The following WWOX variants were observed in gnomAD, a reference collection of about 807,000 sequenced individuals.
The protein encoded by WWOX is WW domain-containing oxidoreductase.
In WWOX, 69 loss-of-function variants were observed where a neutral mutation model predicts 46.2. The ratio of observed to expected loss-of-function variants is 1.49; its 90% CI spans 1.23 to 1.82. The LOEUF (loss-of-function observed/expected upper bound fraction) is 1.82, where lower values mean the gene tolerates loss of function less well. Among genes scored for constraint, WWOX ranks in the 40% most tolerant of loss-of-function variants. The pLI is 0.00. For missense variants in WWOX, 919 were observed against 542.6 expected, an observed-to-expected ratio of 1.69 and a Z score of -6.89; for synonymous variants, 359 against 202.6, an observed-to-expected ratio of 1.77 and a Z score of -6.56.
At chr16:78,537,726 G>T (rs1202582875) in intron 8 of WWOX, among the ~76,000 whole-genome samples, 1 of 152,150 alleles carries the variant, frequency 6.6e-6, no homozygotes, top group Non-Finnish European at 1.5e-5. Context: ...GGGTAGACCA[G>T]TGCTTCCTTT....
intron 5 of WWOX, among the ~76,000 whole-genome samples, chr16:78,174,521 T>C (rs1030080533): frequency 6.6e-6 from 1 of 152,182 alleles, no homozygotes; most frequent in Non-Finnish European, 1.5e-5. Flanking sequence ...CCCTCCAAAA[T>C]TCATGTTCTT....
intron 8 of WWOX, among the ~76,000 whole-genome samples, chr16:78,777,377 A>G (rs947650862): frequency 6.6e-6 from 1 of 152,238 alleles, no homozygotes; most frequent in Non-Finnish European, 1.5e-5. Context: ...CGTGACTAGT[A>G]TGACCAGGGG....
At chr16:78,497,935 GCTCACGC>G (rs2084957738) in intron 8 of WWOX, among the ~76,000 whole-genome samples, 1 of 152,052 alleles carries the variant, frequency 6.6e-6, no homozygotes. Flanking sequence ...GGGAGCAGTA[GCTCACGC>G]CTGTAATGAC....
chr16:78,533,484 C>G (rs549777222), intron 8 of WWOX, among the ~76,000 whole-genome samples: 1 of 151,890 alleles, frequency 6.6e-6, no homozygotes, highest in Non-Finnish European at 1.5e-5. Flanking sequence ...GGGCCAGATT[C>G]AAAGTTGTCC....
chr16:78,422,469 G>A (rs73572812), intron 6 of WWOX, among the ~76,000 whole-genome samples: 4 of 149,662 alleles, frequency 2.7e-5, no homozygotes, highest in Non-Finnish European at 5.9e-5. Flanking sequence ...CTCAGCCTCC[G>A]AAGTAGCTGG....
chr16:78,105,365 G>C (rs113349210), intron 1 of WWOX, among the ~76,000 whole-genome samples: 1 of 151,828 alleles, frequency 6.6e-6, no homozygotes, highest in African/African-American at 2.4e-5. Context: ...AGGCTGAGGC[G>C]GGAGAATTGC....
At chr16:78,330,045 C>T (rs1349426899) in intron 5 of WWOX, among the ~76,000 whole-genome samples, 1 of 152,146 alleles carries the variant, frequency 6.6e-6, no homozygotes, top group East Asian at 1.9e-4. Context: ...TGAGTCACTG[C>T]CTGGTGCTTT....
chr16:79,129,921 A>G (rs959440157), intron 8 of WWOX, among the ~76,000 whole-genome samples: 1 of 152,172 alleles, frequency 6.6e-6, no homozygotes, highest in East Asian at 1.9e-4. Flanking sequence ...TGGCTGAGTC[A>G]TCTTTGGTAG....
intron 5 of WWOX, among the ~76,000 whole-genome samples, chr16:78,345,458 C>CAAAAAAAAA (rs71137889): frequency 6.0e-4 from 16 of 26,778 alleles, no homozygotes; most frequent in African/African-American, 1.1e-3. Flanking sequence ...CCATCGCTAC[C>CAAAAAAAAA]AAAAAAAAAA....
At chr16:78,511,950 A>G (rs755685124) in intron 8 of WWOX, among the ~76,000 whole-genome samples, 8 of 152,238 alleles carry the variant, frequency 5.3e-5, no homozygotes, top group Non-Finnish European at 1.2e-4. Flanking sequence ...TTCTGCGTTG[A>G]ATGGGTAAGA....
intron 8 of WWOX, among the ~76,000 whole-genome samples, chr16:78,736,270 G>T (rs1052694729): frequency 3.3e-5 from 5 of 152,200 alleles, no homozygotes; most frequent in Admixed American, 3.3e-4. Context: ...GTACCTTCGT[G>T]TCGGACAGTC....
At chr16:78,554,170 T>A (rs947812300) in intron 8 of WWOX, among the ~76,000 whole-genome samples, 4 of 152,250 alleles carry the variant, frequency 2.6e-5, no homozygotes, top group Middle Eastern at 3.4e-3. Context: ...TGGCCTGCCC[T>A]AAGGCAGTAG....
At chr16:78,744,647 G>A (rs147029715) in intron 8 of WWOX, among the ~76,000 whole-genome samples, 38 of 151,968 alleles carry the variant, frequency 2.5e-4, no homozygotes, top group Non-Finnish European at 4.6e-4. Context: ...GGCCAGGCTA[G>A]TCTTGAATTC....
Position 79,051,065 on chromosome 16 carries a change from A to G in WWOX, c.1057-160543A>G, listed in dbSNP as rs946455951. Among the ~76,000 whole-genome samples the G allele has an allele frequency of 7.2e-5, 11 of 152,334 alleles. 1 individual carries two copies. Among genetic ancestry groups the G allele is most frequent in the East Asian group, 5.8e-4 (3 of 5,180 alleles). Reference sequence around the variant, plus strand: ...GATTATTCCCAAGGAAGCTGTAGCCATTATATTTGCTGCCATCACAACAGT... The same window carrying G: ...GATTATTCCCAAGGAAGCTGTAGCCGTTATATTTGCTGCCATCACAACAGT... On this transcript the variant is annotated intron_variant, in intron 8 of 8. Coordinates refer to ENST00000566780, the MANE Select transcript of WWOX (RefSeq NM_016373.4).
intron 8 of WWOX, among the ~76,000 whole-genome samples, chr16:78,607,285 C>G (rs2045782299): frequency 6.6e-6 from 1 of 151,858 alleles, no homozygotes; most frequent in Non-Finnish European, 1.5e-5. Context: ...AAAATATATA[C>G]AAAATAGTTG....
At chr16:78,234,434 C>T (rs1266688675) in intron 5 of WWOX, among the ~76,000 whole-genome samples, 5 of 152,054 alleles carry the variant, frequency 3.3e-5, no homozygotes, top group Non-Finnish European at 5.9e-5. Flanking sequence ...CCCAGACTTT[C>T]GCCATACCGC....
chr16:79,089,702 G>A (rs1484344906), intron 8 of WWOX, among the ~76,000 whole-genome samples: 1 of 152,152 alleles, frequency 6.6e-6, no homozygotes, highest in Non-Finnish European at 1.5e-5. Context: ...ATGTTTTCCA[G>A]TCGCCTAAGC....
rs560481630 is a variant in WWOX, at chr16:78,758,946, A to C, written c.1056+326194A>C. Among the ~76,000 whole-genome samples, 1,192 of 151,952 alleles carry C rather than the reference A, an allele frequency of 7.8e-3. 23 individuals carry two copies. The highest frequency in any genetic ancestry group is 0.024 in the Middle Eastern group (7 of 294). On this transcript the variant is annotated intron_variant, in intron 8 of 8. Transcript: ENST00000566780. ...AAAAAACCACAAAAGACAAAAAAAA[A>C]AAAAACAAAAAACCTTCACAGACAA... is the stretch of plus-strand genomic sequence containing the variant.
At chr16:78,999,450 G>A (rs1427848866) in intron 8 of WWOX, among the ~76,000 whole-genome samples, 3 of 152,100 alleles carry the variant, frequency 2.0e-5, no homozygotes, top group Non-Finnish European at 4.4e-5. Context: ...AGCCTGGGCA[G>A]CAGGAGCGAA....
Sources: gnomAD v4.1 joint callset for allele counts (sites outside exome capture counted in the v4.1 genomes callset) on GRCh38, gnomAD v4.1.1 for gene constraint, MANE v1.5 for transcripts, NCBI Gene and HGNC (gene_info 2026-07-23, HGNC 2026-07-21) for gene names.